FSIP2: variants seen among roughly 807,000 people sequenced by gnomAD.
FSIP2 encodes fibrous sheath-interacting protein 2.
In FSIP2, 367 loss-of-function variants were observed where a neutral mutation model predicts 510.5. The ratio of observed to expected loss-of-function variants is 0.72; its 90% confidence interval spans 0.66 to 0.78. The LOEUF is 0.78. FSIP2 is among the 30% of genes least tolerant of loss of function. The pLI is 0.00. For missense variants in FSIP2, 7,594 were observed against 7,901.7 expected, an observed-to-expected ratio of 0.96 and a Z score of 1.48; for synonymous variants, 2,601 against 2,732.2, an observed-to-expected ratio of 0.95 and a Z score of 1.50.
chr2:185,749,025 A>G (rs749896563), intron 7 of FSIP2, among the ~76,000 whole-genome samples: 2 of 151,952 alleles, frequency 1.3e-5, no homozygotes, highest in Non-Finnish European at 2.9e-5. Context: ...ACTCTCTTCT[A>G]TTCTTTGACC....
rs187840317 is a variant in FSIP2 at position 185,822,004 on chromosome 2, G to C, written c.20427-2430G>C. 8.1e-3 allele frequency among the ~76,000 whole-genome samples: 1,232 copies of C among 151,590 alleles called. 13 individuals carry two copies. Among genetic ancestry groups the C allele is most frequent in the Non-Finnish European group, 0.014 (942 of 67,834 alleles). On this transcript the variant is annotated intron_variant, in intron 19 of 22. Transcript: ENST00000424728. Reference sequence around the variant, plus strand: ...CTCAAATGATGCAGGAAAACCATTTGACGAAAGTTAAATAGTTTACATGGA... The same window carrying C: ...CTCAAATGATGCAGGAAAACCATTTCACGAAAGTTAAATAGTTTACATGGA...
chr2:185,802,431 C>A lies in FSIP2; in HGVS notation c.13125C>A (p.Thr4375=). The change falls in exon 17 of 23, where the codon ACC becomes ACA. Residue 4375 remains threonine (T), a synonymous_variant. Coordinates refer to ENST00000424728, the MANE Select transcript of FSIP2 (RefSeq NM_173651.4). ...CAGATATTGTGGATGAACTTGCCAC[C>A]TCAGTTTATAGAAATGCTTTAAAGC... ...FNTDIVDELA[T]SVYRNALKQH... 6.5e-7 allele frequency: 1 copy of A among 1,533,892 alleles called. No individual in the cohort carries two copies.
At chr2:185,810,718 CA>C (rs1693710729) in intron 17 of FSIP2, among the ~76,000 whole-genome samples, 1 of 148,946 alleles carries the variant, frequency 6.7e-6, no homozygotes. Flanking sequence ...AGGCTGAAGA[CA>C]GAGCCTCTTT....
In FSIP2 at chr2:185,806,246, T is replaced by C; in HGVS notation, c.16940T>C (p.Ile5647Thr). 1 of 1,610,070 alleles carries C rather than the reference T, an allele frequency of 6.2e-7. No homozygotes were observed. Among genetic ancestry groups the C allele is most frequent in the Non-Finnish European group, 8.5e-7 (1 of 1,178,016 alleles). Residue 5647 changes from isoleucine (I) to threonine (T), a missense_variant, in exon 17 of 23, where the codon ATA becomes ACA. Ile to Thr is a moderately conservative substitution (Grantham distance 89). Coordinates refer to ENST00000424728, the MANE Select transcript of FSIP2 (RefSeq NM_173651.4). ...NLGTTTDTLE[I>T]RIRTSSNEGR... ...GGGACTACAACAGATACTTTGGAAA[T>C]AAGAATTCGAACATCAAGCAATGAG...
intron 3 of FSIP2, 147 bp downstream of exon 3, chr2:185,743,441 G>A (rs1691964932): frequency 4.8e-6 from 2 of 421,024 alleles, no homozygotes; most frequent in South Asian, 9.7e-5. Context: ...AAATTTCTCA[G>A]TATTTGAATC....
chr2:185,798,998 A>G (rs1693362352), intron 16 of FSIP2, among the ~76,000 whole-genome samples: 1 of 151,842 alleles, frequency 6.6e-6, no homozygotes, highest in African/African-American at 2.4e-5. Flanking sequence ...GATATATAAT[A>G]TATAATTAAG....
At chr2:185,764,267 C>T (rs529278670) in intron 12 of FSIP2, among the ~76,000 whole-genome samples, 86 of 151,550 alleles carry the variant, frequency 5.7e-4, no homozygotes, top group Non-Finnish European at 1.1e-3. Context: ...AGCAAATTAC[C>T]AAATGTGTAG....
rs140194542 is a variant in FSIP2 at position 185,814,030 on chromosome 2, G to A, written c.20313G>A (p.Lys6771=). 1,547 of 1,611,566 alleles carry A rather than the reference G, an allele frequency of 9.6e-4. 42 individuals carry two copies. In the East Asian group the frequency reaches 0.034, roughly 35 times the overall value. The change falls in exon 18 of 23, where the codon AAG becomes AAA. Residue 6771 remains lysine, a synonymous_variant. Transcript: ENST00000424728. Reference sequence around the variant, plus strand: ...CAGCCTCTTCATCTTGGGAGGAAAAGCCCCAGTGTAAGGTAAGTGATAAGC... The same window carrying A: ...CAGCCTCTTCATCTTGGGAGGAAAAACCCCAGTGTAAGGTAAGTGATAAGC... ...PETASSSWEE[K]PQCKKEEKNL... is the part of the protein sequence containing the mutation.
intron 13 of FSIP2, among the ~76,000 whole-genome samples, chr2:185,777,603 C>A (rs1206920697): frequency 6.6e-6 from 1 of 151,898 alleles, no homozygotes; most frequent in Non-Finnish European, 1.5e-5. Flanking sequence ...GCAAAACTTC[C>A]TTATTAGTGG....
Position 185,788,767 on chromosome 2 carries a change from C to G in FSIP2, c.1631C>G (p.Pro544Arg). 1.3e-6 allele frequency: 2 copies of G among 1,534,306 alleles called. No individual in the cohort carries two copies. Among genetic ancestry groups the G allele is most frequent in the Non-Finnish European group, 1.7e-6 (2 of 1,145,650 alleles). Residue 544 changes from proline (P) to arginine (R), a missense_variant, in exon 16 of 23, where the codon CCA becomes CGA. Pro to Arg is a moderately radical substitution (Grantham distance 103). Coordinates refer to ENST00000424728, the MANE Select transcript of FSIP2 (RefSeq NM_173651.4). ...AAAAGATTGCAAAATAATACATACC[C>G]AGTATCTGATGACTCCATCCTCTCT... ...YEKRLQNNTY[P>R]VSDDSILSSD...
At chr2:185,758,429 TA>T (rs1230784398) in intron 9 of FSIP2, among the ~76,000 whole-genome samples, 1 of 151,298 alleles carries the variant, frequency 6.6e-6, no homozygotes, top group East Asian at 1.9e-4. Flanking sequence ...AAATGTCGAG[TA>T]ACACATATTA....
At chr2:185,758,397 C>G (rs1192968866) in intron 9 of FSIP2, among the ~76,000 whole-genome samples, 1 of 151,150 alleles carries the variant, frequency 6.6e-6, no homozygotes, top group Non-Finnish European at 1.5e-5. Flanking sequence ...AACAGCCCAC[C>G]ATTGACCTTA....
chr2:185,754,663 G>A (rs1034165172), intron 8 of FSIP2, among the ~76,000 whole-genome samples: 4 of 151,430 alleles, frequency 2.6e-5, no homozygotes, highest in Non-Finnish European at 3.0e-5. Context: ...GACTGCTTCA[G>A]CAAGCATTTA....
Position 185,804,206 on chromosome 2 carries a change from A to T in FSIP2, c.14900A>T (p.Asn4967Ile), listed in dbSNP as rs188970608. 3.7e-3 allele frequency: 5,550 copies of T among 1,517,638 alleles called. 12 individuals are homozygous for T. Among genetic ancestry groups the T allele is most frequent in the Non-Finnish European group, 4.2e-3 (4,766 of 1,139,538 alleles). The allele number at this position is 1,517,638 out of a possible 1,614,324, so 94.0% of individuals were successfully genotyped here. ...LCKILYAFSH[N>I]MLVTENPDRV... Reference sequence around the variant, plus strand: ...AAAATTCTTTATGCATTTTCACATAACATGTTGGTTACTGAAAATCCAGAT... The same window carrying T: ...AAAATTCTTTATGCATTTTCACATATCATGTTGGTTACTGAAAATCCAGAT... Residue 4967 changes from asparagine to isoleucine, a missense_variant, in exon 17 of 23, where the codon AAC (asparagine) becomes ATC (isoleucine). Physicochemically the swap from Asn to Ile is moderately radical, Grantham distance 149 (BLOSUM62 -3). Coordinates refer to ENST00000424728, the MANE Select transcript of FSIP2 (RefSeq NM_173651.4).
At position 185,807,739 on chromosome 2, in the gene FSIP2, G is replaced by T. The variant is rs1156660578; in HGVS notation, c.18433G>T (p.Glu6145Ter). 2 of 1,612,332 alleles carry T rather than the reference G, an allele frequency of 1.2e-6. No individual in the cohort carries two copies. The highest frequency in any genetic ancestry group is 1.7e-6 in the Non-Finnish European group (2 of 1,179,126). Residue 6145 changes from glutamate to a stop codon, truncating the protein, a stop_gained, in exon 17 of 23, where the codon GAA becomes TAA. Coordinates refer to ENST00000424728, the MANE Select transcript of FSIP2 (RefSeq NM_173651.4). LOFTEE classifies it high-confidence loss of function. Reference sequence around the variant, plus strand: ...AGAGCTAACTCCACATCAGTGTGTGGAAGTTGAAAACATCGTTGAAAAGAT... The same window carrying T: ...AGAGCTAACTCCACATCAGTGTGTGTAAGTTGAAAACATCGTTGAAAAGAT... Reference protein sequence around the residue: ...CGELTPHQCVEVENIVEKILK... With the variant: ...CGELTPHQCV
At chr2:185,763,511 A>C (rs1478688270) in intron 12 of FSIP2, among the ~76,000 whole-genome samples, 4 of 151,596 alleles carry the variant, frequency 2.6e-5, no homozygotes, top group African/African-American at 9.7e-5. Context: ...CTTTTAGAGG[A>C]AGTATAAAGT....
chr2:185,791,959 A>C lies in FSIP2; in HGVS notation c.4823A>C (p.Asn1608Thr). Reference sequence around the variant, plus strand: ...CATTTAGAAATTTTGGGTGCTATTAATGATGGAAATAAGAAAAGCAATAAG... The same window carrying C: ...CATTTAGAAATTTTGGGTGCTATTACTGATGGAAATAAGAAAAGCAATAAG... The part of the protein sequence containing the change: ...NGHLEILGAI[N>T]DGNKKSNKIG... Residue 1608 changes from asparagine (N) to threonine (T), a missense_variant, in exon 16 of 23, where the codon AAT (asparagine) becomes ACT (threonine). Transcript: ENST00000424728. 1 of 1,533,492 alleles carries C rather than the reference A, an allele frequency of 6.5e-7. No homozygotes were observed. The highest frequency in any genetic ancestry group is 1.4e-5 in the African/African-American group (1 of 72,998). 95.0% of individuals were successfully genotyped at this position (1,533,492 alleles called of 1,614,324 possible).
rs752276136 is a variant in FSIP2 at position 185,814,025 on chromosome 2, G to A, written c.20308G>A (p.Glu6770Lys). Residue 6770 changes from glutamate to lysine, a missense_variant, in exon 18 of 23, where the codon GAA becomes AAA. Transcript: ENST00000424728. ...TGAAACAGCCTCTTCATCTTGGGAG[G>A]AAAAGCCCCAGTGTAAGGTAAGTGA... The part of the protein sequence containing the change: ...MPETASSSWE[E>K]KPQCKKEEKN... 1.9e-6 allele frequency: 3 copies of A among 1,612,114 alleles called. No individual in the cohort carries two copies. In the East Asian group the frequency reaches 6.7e-5, roughly 36 times the overall value.
Position 185,807,459 on chromosome 2 carries a change from A to G in FSIP2, c.18153A>G (p.Leu6051=), listed in dbSNP as rs759631544. ...AACTGAATTTCCTTCAAATGAAGTT[A>G]GTAAGTGCAGTTGCAACAGAGATCT... ...STELNFLQMK[L]VSAVATEISQ... Residue 6051 remains leucine (L), a synonymous_variant, in exon 17 of 23, where the codon TTA becomes TTG. Transcript: ENST00000424728. The G allele has an allele frequency of 7.4e-6, 12 of 1,612,674 alleles. No individual in the cohort carries two copies. The highest frequency in any genetic ancestry group is 1.0e-5 in the Non-Finnish European group (12 of 1,179,262).
Sources: allele counts gnomAD v4.1 joint callset (sites outside exome capture counted in the v4.1 genomes callset), GRCh38; gene constraint gnomAD v4.1.1; transcripts MANE v1.5; gene names NCBI Gene and HGNC (gene_info 2026-07-23, HGNC 2026-07-21).